RGS7: variants seen among roughly 807,000 people sequenced by gnomAD.
The protein encoded by RGS7 is regulator of G protein signaling 7, also known as regulator of G-protein signaling 7.
RGS7 carries 27 observed loss-of-function variants against 81.1 expected under a neutral mutation model. The ratio of observed to expected loss-of-function variants is 0.33; its 90% CI spans 0.25 to 0.46. The LOEUF is 0.46. Ranked by LOEUF, RGS7 falls within the 20% of genes least tolerant of loss-of-function variation. The probability of loss-of-function intolerance (pLI) is 1.00; values close to 1 mark genes in which losing one functional copy is unlikely to be tolerated. For missense variants in RGS7, 396 were observed against 607.4 expected (o/e 0.65, Z 3.66); for synonymous variants, 208 against 207.7 (o/e 1.00, Z -0.01).
At chr1:240,877,162 G>A (rs1665565171) in intron 6 of RGS7, among the ~76,000 whole-genome samples, 1 of 151,402 alleles carries the variant, frequency 6.6e-6, no homozygotes, top group African/African-American at 2.4e-5. Flanking sequence ...TGTACAAATT[G>A]TTCTACCTAA....
At chr1:241,261,756 T>C (rs1035782111) in intron 2 of RGS7, among the ~76,000 whole-genome samples, 1 of 128,278 alleles carries the variant, frequency 7.8e-6, no homozygotes, top group African/African-American at 3.0e-5. Flanking sequence ...GGAGCCATAA[T>C]GTTAATTTTA....
chr1:240,910,763 G>T (rs1267014320), intron 6 of RGS7, among the ~76,000 whole-genome samples: 1 of 151,990 alleles, frequency 6.6e-6, no homozygotes, highest in Non-Finnish European at 1.5e-5. Flanking sequence ...TGTGGCCCAG[G>T]CTGGAGTGCA....
At chr1:241,299,360 A>G (rs1334678744) in intron 2 of RGS7, among the ~76,000 whole-genome samples, 15 of 151,766 alleles carry the variant, frequency 9.9e-5, no homozygotes, top group Non-Finnish European at 2.1e-4. Context: ...ACATTTTCTT[A>G]GCTCTAAAAA....
intron 9 of RGS7, among the ~76,000 whole-genome samples, chr1:240,834,027 T>A (rs1180223437): frequency 4.6e-5 from 7 of 152,216 alleles, no homozygotes; most frequent in Non-Finnish European, 1.0e-4. Context: ...CCTCAAGCAG[T>A]CCTCCCATCT....
chr1:240,974,894 T>C lies in RGS7; in HGVS notation c.226+8185A>G, dbSNP rs147560699. Among the ~76,000 whole-genome samples the C allele has an allele frequency of 6.6e-4, 101 of 152,108 alleles. 1 individual carries two copies. In the East Asian group the frequency reaches 0.019, roughly 29 times the overall value. On this transcript the variant is annotated intron_variant, in intron 4 of 18. Coordinates refer to ENST00000440928, the MANE Select transcript of RGS7 (RefSeq NM_001364886.1). ...CACAAAACATGGTATTAAAAGCACT[T>C]TTCAGAGGAAGGGAAAAAAAAAAAA...
chr1:241,168,933 G>A (rs1006563147), intron 2 of RGS7, among the ~76,000 whole-genome samples: 2 of 152,122 alleles, frequency 1.3e-5, no homozygotes, highest in Non-Finnish European at 2.9e-5. Flanking sequence ...ATAACCTGAA[G>A]AAGCTAGGAA....
At chr1:240,830,772 C>A (rs867260457) in intron 9 of RGS7, among the ~76,000 whole-genome samples, 1 of 152,244 alleles carries the variant, frequency 6.6e-6, no homozygotes, top group Middle Eastern at 3.4e-3. Context: ...GATTCCAAAT[C>A]AATTTTACTT....
chr1:241,286,293 C>G (rs2078804856), intron 2 of RGS7, among the ~76,000 whole-genome samples: 1 of 152,204 alleles, frequency 6.6e-6, no homozygotes, highest in South Asian at 2.1e-4. Flanking sequence ...CAATGTTACA[C>G]TGCTTCTTCG....
At position 240,794,908 on chromosome 1, in the gene RGS7, C is replaced by T. The variant is rs543061329; in HGVS notation, c.*6+5733G>A. Among the ~76,000 whole-genome samples, 114 of 152,124 alleles carry T rather than the reference C, an allele frequency of 7.5e-4. 1 individual carries two copies. Among genetic ancestry groups the T allele is most frequent in the African/African-American group, 2.6e-3 (107 of 41,422 alleles). ...TTAATAAAATCCAGGTAAGGCTGGGCGTGGTGGCTCATGCTTGTAATCCCA... is the reference window on the plus strand; with the variant it reads ...TTAATAAAATCCAGGTAAGGCTGGGTGTGGTGGCTCATGCTTGTAATCCCA... On this transcript the variant is annotated intron_variant, in intron 18 of 18. Transcript: ENST00000440928.
At chr1:241,143,160 C>T (rs1159033860) in intron 2 of RGS7, among the ~76,000 whole-genome samples, 1 of 152,182 alleles carries the variant, frequency 6.6e-6, no homozygotes, top group African/African-American at 2.4e-5. Flanking sequence ...TTCAACAAGT[C>T]TCTAGGGAGT....
In RGS7 at chr1:241,013,106, A is replaced by T. The variant is rs1006433203; in HGVS notation, c.176-29977T>A. Among the ~76,000 whole-genome samples, 155 of 122,430 alleles carry T rather than the reference A, an allele frequency of 1.3e-3. 1 individual carries two copies. Among genetic ancestry groups the T allele is most frequent in the African/African-American group, 4.9e-3 (150 of 30,802 alleles). 80.3% of individuals were successfully genotyped at this position (122,430 alleles called of 152,430 possible). A position where few individuals can be genotyped will look rare whatever the true frequency, so the allele number is the denominator to read the frequency against. ...GAAACGGAGTCCCACTCTGTTGCCCAGGCTGGAATGCAGTGGTGTGATCTC... is the reference window on the plus strand; with the variant it reads ...GAAACGGAGTCCCACTCTGTTGCCCTGGCTGGAATGCAGTGGTGTGATCTC... On this transcript the variant is annotated intron_variant, in intron 3 of 18. Coordinates refer to ENST00000440928, the MANE Select transcript of RGS7 (RefSeq NM_001364886.1).
At chr1:241,019,083 A>G (rs1453317830) in intron 3 of RGS7, among the ~76,000 whole-genome samples, 1 of 152,110 alleles carries the variant, frequency 6.6e-6, no homozygotes. Flanking sequence ...AAAGCCTACA[A>G]TATGTGAGGC....
intron 2 of RGS7, among the ~76,000 whole-genome samples, chr1:241,344,277 T>C (rs10802952): frequency 0.14 from 21,181 of 152,234 alleles, 2,119 homozygotes; most frequent in South Asian, 0.26. Flanking sequence ...ATTTACCATA[T>C]ACAACAGTTT....
At chr1:241,262,867 G>A (rs761604024) in intron 2 of RGS7, among the ~76,000 whole-genome samples, 5 of 152,116 alleles carry the variant, frequency 3.3e-5, no homozygotes, top group Non-Finnish European at 5.9e-5. Context: ...TTGGGAGGCC[G>A]AGGCGGGTGG....
intron 6 of RGS7, among the ~76,000 whole-genome samples, chr1:240,883,469 T>C (rs187161166): frequency 9.0e-4 from 137 of 152,232 alleles, no homozygotes; most frequent in African/African-American, 3.2e-3. Context: ...TCTTCCCAAA[T>C]GTACTTTCTT....
chr1:240,791,506 C>T (rs1686002727), intron 18 of RGS7, among the ~76,000 whole-genome samples: 1 of 152,084 alleles, frequency 6.6e-6, no homozygotes, highest in South Asian at 2.1e-4. Context: ...AGTGTCATTG[C>T]TTTCTGGGTA....
Position 240,819,735 on chromosome 1 carries a change from T to C in RGS7, c.685-3320A>G, listed in dbSNP as rs779222672. Among the ~76,000 whole-genome samples the C allele has an allele frequency of 3.1e-4, 47 of 152,028 alleles. 1 individual carries two copies. The highest frequency in any genetic ancestry group is 3.9e-4 in the Admixed American group (6 of 15,248). ...TCTGGCAACAGAGTGAGACTCCATCTCCACAAAAAAAACAAAACAAAAACA... is the reference window on the plus strand; with the variant it reads ...TCTGGCAACAGAGTGAGACTCCATCCCCACAAAAAAAACAAAACAAAAACA... On this transcript the variant is annotated intron_variant, in intron 10 of 18. Transcript: ENST00000440928.
At chr1:241,010,203 A>G (rs2058889462) in intron 3 of RGS7, among the ~76,000 whole-genome samples, 1 of 152,088 alleles carries the variant, frequency 6.6e-6, no homozygotes, top group Non-Finnish European at 1.5e-5. Context: ...GAAAAGAAAC[A>G]TGGTATGACT....
chr1:241,087,149 C>T (rs1015858793), intron 3 of RGS7, among the ~76,000 whole-genome samples: 17 of 152,224 alleles, frequency 1.1e-4, no homozygotes, highest in African/African-American at 3.9e-4. Flanking sequence ...GGCTCCTGAA[C>T]GATGTTTAAT....
Sources: allele counts gnomAD v4.1 joint callset (sites outside exome capture counted in the v4.1 genomes callset), GRCh38; gene constraint gnomAD v4.1.1; transcripts MANE v1.5; gene names NCBI Gene and HGNC (gene_info 2026-07-23, HGNC 2026-07-21).